The following SLC38A6 variants were observed in gnomAD, a reference collection of about 807,000 sequenced individuals.
SLC38A6 encodes N system amino acid transporter NAT-1.
Under a neutral mutation model 65.0 loss-of-function variants are expected in SLC38A6, and 73 were observed. The ratio of observed to expected loss-of-function variants is 1.12; its 90% CI spans 0.93 to 1.37. The LOEUF is 1.37. Among genes scored for constraint, SLC38A6 ranks in the 40% most tolerant of loss-of-function variants. The pLI, the probability that SLC38A6 is intolerant of heterozygous loss-of-function variation, is 0.00. For synonymous variants in SLC38A6, 183 were observed against 178.8 expected (o/e 1.02, Z -0.19); for missense variants, 561 against 531.1 (o/e 1.06, Z -0.55).
In SLC38A6 at chr14:61,010,502, T is replaced by A. The variant is rs562973059; in HGVS notation, c.311-5402T>A. ...TATTGCCTAGGTTTTCTTCTATGGT[T>A]TTTATGGTTTTAGGTCTAACATTTA... On this transcript the variant is annotated intron_variant, in intron 3 of 15. Transcript: ENST00000267488. Among the ~76,000 whole-genome samples the A allele has an allele frequency of 3.3e-5, 5 of 152,356 alleles. No individual in the cohort carries two copies. The East Asian group carries it at 9.6e-4, about 29-fold the overall frequency.
At chr14:61,005,623 A>C (rs1298697838) in intron 3 of SLC38A6, among the ~76,000 whole-genome samples, 2 of 152,172 alleles carry the variant, frequency 1.3e-5, no homozygotes, top group Non-Finnish European at 2.9e-5. Context: ...TCCAACTTAG[A>C]AGGGATGTGA....
intron 5 of SLC38A6, among the ~76,000 whole-genome samples, chr14:61,028,731 T>G (rs1443300192): frequency 6.6e-6 from 1 of 152,152 alleles, no homozygotes; most frequent in African/African-American, 2.4e-5. Context: ...TGAAAAAATA[T>G]GTATATGTAT....
intron 6 of SLC38A6, among the ~76,000 whole-genome samples, chr14:61,035,915 G>A (rs1359728805): frequency 6.6e-6 from 1 of 151,582 alleles, no homozygotes; most frequent in Non-Finnish European, 1.5e-5. Context: ...TATCCTTCTG[G>A]CTTTATATGT....
chr14:60,999,055 A>G (rs1216388517), intron 3 of SLC38A6, among the ~76,000 whole-genome samples: 2 of 152,256 alleles, frequency 1.3e-5, no homozygotes, highest in Non-Finnish European at 2.9e-5. Context: ...TACCAAAAAT[A>G]GTTTACTGTT....
chr14:61,018,934 A>T (rs1053546565), intron 4 of SLC38A6, among the ~76,000 whole-genome samples: 1 of 152,110 alleles, frequency 6.6e-6, no homozygotes, highest in Admixed American at 6.6e-5. Flanking sequence ...TTGAAGGGGG[A>T]GGAATTCTCC....
intron 3 of SLC38A6, among the ~76,000 whole-genome samples, chr14:61,003,501 G>A (rs965041194): frequency 6.6e-6 from 1 of 152,030 alleles, no homozygotes; most frequent in East Asian, 1.9e-4. Context: ...CAAGCTCTTA[G>A]GGGTCAAATG....
Position 61,075,639 on chromosome 14 carries a change from C to CACAGAGGT in SLC38A6, c.1291-3169_1291-3162dup, listed in dbSNP as rs1159344625. Among the ~76,000 whole-genome samples, 4 of 152,204 alleles carry CACAGAGGT rather than the reference C, an allele frequency of 2.6e-5. No homozygotes were observed. The East Asian group carries it at 7.7e-4, about 29-fold the overall frequency. The stretch of plus-strand genomic sequence containing the variant: ...TTTTAGAGACAAGAGACCAGACCTC[C>CACAGAGGT]ACAGAGGTAGATCTTGGAGATTGGA... On this transcript the variant is annotated intron_variant, in intron 15 of 16. Coordinates refer to the SLC38A6 transcript ENST00000354886.
chr14:60,987,466 C>T (rs1244338672), intron 3 of SLC38A6: 1 of 152,272 alleles, frequency 6.6e-6, no homozygotes. Context: ...TTCATGGGAG[C>T]TGAGGTGGAA....
At chr14:61,040,755 T>G (rs974960812) in intron 8 of SLC38A6, among the ~76,000 whole-genome samples, 3 of 152,196 alleles carry the variant, frequency 2.0e-5, no homozygotes, top group African/African-American at 7.2e-5. Flanking sequence ...GTGCTGAGAT[T>G]ATAGGCGTGA....
At chr14:60,981,448 A>T (rs2037011721) in intron 1 of SLC38A6, 66 bp downstream of exon 1, 1 of 1,546,418 alleles carries the variant, frequency 6.5e-7, no homozygotes, top group Admixed American at 2.0e-5. Flanking sequence ...CCTGCCAAAT[A>T]AGACCCAGAA....
At chr14:61,010,659 T>G (rs957068576) in intron 3 of SLC38A6, among the ~76,000 whole-genome samples, 1 of 152,202 alleles carries the variant, frequency 6.6e-6, no homozygotes, top group East Asian at 1.9e-4. Flanking sequence ...CCATTTCCTG[T>G]TTTTCTCAGG....
chr14:61,072,696 C>A (rs1439742774), intron 15 of SLC38A6, among the ~76,000 whole-genome samples: 3 of 152,194 alleles, frequency 2.0e-5, no homozygotes, highest in Admixed American at 6.5e-5. Context: ...CATGTTGTTG[C>A]AAATGAAAAG....
chr14:60,995,685 G>A (rs77522579), intron 3 of SLC38A6, among the ~76,000 whole-genome samples: 2,467 of 152,196 alleles, frequency 0.016, 31 homozygotes, highest in Non-Finnish European at 0.027. Context: ...GGGTAGATAC[G>A]TTAATTTGCT....
intron 12 of SLC38A6, among the ~76,000 whole-genome samples, chr14:61,046,869 C>T (rs1241630190): frequency 7.9e-5 from 12 of 152,058 alleles, no homozygotes; most frequent in Admixed American, 7.9e-4. Flanking sequence ...GAGCATGGTG[C>T]CCTGCTAGAG....
chr14:61,045,247 T>C (rs1392464293), intron 10 of SLC38A6, 99 bp from the exon 11 acceptor site: 9 of 748,862 alleles, frequency 1.2e-5, no homozygotes, highest in Non-Finnish European at 2.0e-5. Flanking sequence ...ATAAATGTAA[T>C]CAAATTGATT....
intron 3 of SLC38A6, among the ~76,000 whole-genome samples, chr14:61,007,387 T>C (rs2039218591): frequency 6.6e-6 from 1 of 152,112 alleles, no homozygotes; most frequent in South Asian, 2.1e-4. Context: ...CCCAGCACTT[T>C]GTGAGGCCAA....
chr14:61,066,926 A>G (rs1187902910), intron 15 of SLC38A6, among the ~76,000 whole-genome samples: 1 of 152,176 alleles, frequency 6.6e-6, no homozygotes, highest in Non-Finnish European at 1.5e-5. Context: ...AATTCTTAGC[A>G]CATATTATGT....
chr14:61,003,465 G>T (rs1469234710), intron 3 of SLC38A6, among the ~76,000 whole-genome samples: 1 of 152,002 alleles, frequency 6.6e-6, no homozygotes, highest in Non-Finnish European at 1.5e-5. Flanking sequence ...TGCATATAAT[G>T]ATTTCTCTTG....
downstream of SLC38A6, among the ~76,000 whole-genome samples, chr14:61,054,397 C>G (rs1235561214): frequency 1.3e-5 from 2 of 152,088 alleles, no homozygotes; most frequent in South Asian, 2.1e-4. Flanking sequence ...ATAGTTTTAT[C>G]TAGTTCTGTG....
Sources: allele counts gnomAD v4.1 joint callset (sites outside exome capture counted in the v4.1 genomes callset), GRCh38; gene constraint gnomAD v4.1.1; transcripts MANE v1.5; gene names NCBI Gene and HGNC (gene_info 2026-07-23, HGNC 2026-07-21).